ALG12: variants seen among roughly 807,000 people sequenced by gnomAD.
The protein encoded by ALG12 is dol-P-Man:Man(7)GlcNAc(2)-PP-Dol alpha-1,6-mannosyltransferase.
ALG12 carries 36 observed loss-of-function variants against 46.0 expected under a neutral mutation model. The ratio of observed to expected loss-of-function variants is 0.78; its 90% CI spans 0.60 to 1.03. The LOEUF (loss-of-function observed/expected upper bound fraction) is 1.03, where lower values mean the gene tolerates loss of function less well. Ranked by LOEUF, ALG12 falls within the 50% of genes least tolerant of loss-of-function variation. ALG12 has a pLI of 0.00. For missense variants in ALG12, 599 were observed against 633.5 expected (o/e 0.95, Z 0.58); for synonymous variants, 326 against 291.6 (o/e 1.12, Z -1.20).
the ALG12 span, among the ~76,000 whole-genome samples, chr22:49,868,738 G>A: frequency 3.9e-5 from 6 of 152,218 alleles, no homozygotes; most frequent in East Asian, 1.9e-4. Flanking sequence ...CAGCTACTTC[G>A]TGCATGTGTT....
chr22:49,883,821 C>T, the ALG12 span: 5 of 1,612,728 alleles, frequency 3.1e-6, no homozygotes, highest in Non-Finnish European at 4.2e-6. Flanking sequence ...AGCAGACAGA[C>T]AGCGGTGGGG....
downstream of ALG12, among the ~76,000 whole-genome samples, chr22:49,900,010 A>T (rs2060497448): frequency 6.6e-6 from 1 of 152,104 alleles, no homozygotes; most frequent in Non-Finnish European, 1.5e-5. Flanking sequence ...AAAATTTTTT[A>T]AAAATTAGCT....
Position 49,911,157 on chromosome 22 carries a change from G to A in ALG12, c.296-550C>T, listed in dbSNP as rs76115124. Among the ~76,000 whole-genome samples, 514 of 152,332 alleles carry A rather than the reference G, an allele frequency of 3.4e-3. 17 individuals are homozygous for A. In the East Asian group the frequency reaches 0.08, roughly 24 times the overall value. On this transcript the variant is annotated intron_variant, in intron 3 of 9. Coordinates refer to ENST00000330817, the MANE Select transcript of ALG12 (RefSeq NM_024105.4). The stretch of plus-strand genomic sequence containing the variant: ...ACCCAGCCGACCACACATCCTCACC[G>A]TGGACCGGCCTGTCAGCCGCTGGCA...
chr22:49,863,965 T>C, the ALG12 span, among the ~76,000 whole-genome samples: 17 of 152,236 alleles, frequency 1.1e-4, no homozygotes, highest in Non-Finnish European at 2.1e-4. Context: ...TCCTGAACTC[T>C]CTCAGAGGTT....
rs1231173067 is a variant in ALG12 at position 49,900,586 on chromosome 22, G to A, written c.*3252C>T. 6.6e-6 allele frequency: 1 copy of A among 152,230 alleles called. No individual in the cohort carries two copies. Among genetic ancestry groups the A allele is most frequent in the Non-Finnish European group, 1.5e-5 (1 of 68,074 alleles). 9.4% of individuals were successfully genotyped at this position (152,230 alleles called of 1,614,324 possible). Reference sequence around the variant, plus strand: ...CAGGGAGTGAACTGCACACAATCCCGACCTCTTCATGGTGGGTTTGTTTTT... The same window carrying A: ...CAGGGAGTGAACTGCACACAATCCCAACCTCTTCATGGTGGGTTTGTTTTT... On this transcript the variant is annotated 3_prime_UTR_variant, in exon 10 of 10. Transcript: ENST00000330817.
chr22:49,881,381 G>A, the ALG12 span, among the ~76,000 whole-genome samples: 1 of 152,228 alleles, frequency 6.6e-6, no homozygotes, highest in Admixed American at 6.5e-5. Flanking sequence ...TAATTCATCT[G>A]TAGAAATACA....
At chr22:49,886,384 G>A in the ALG12 span, 1 of 1,609,862 alleles carries the variant, frequency 6.2e-7, no homozygotes, top group Non-Finnish European at 8.5e-7. The surrounding 1 kb of genome is among the most constrained non-coding windows in gnomAD (Gnocchi z 7.7). Flanking sequence ...GCAGAAAAGG[G>A]CCATTAACGA....
intron 1 of ALG12, among the ~76,000 whole-genome samples, chr22:49,916,285 A>T (rs1299316066): frequency 2.0e-5 from 3 of 148,778 alleles, no homozygotes; most frequent in African/African-American, 2.5e-5. Context: ...TAAATTAAAT[A>T]AAAATATGTT....
chr22:49,891,177 TTTGA>T, the ALG12 span, among the ~76,000 whole-genome samples: 4 of 152,222 alleles, frequency 2.6e-5, no homozygotes, highest in Admixed American at 2.6e-4. Context: ...TAGCCATTGC[TTTGA>T]TTGTGGTTTG....
chr22:49,892,916 G>T, the ALG12 span, among the ~76,000 whole-genome samples: 1 of 152,182 alleles, frequency 6.6e-6, no homozygotes, highest in Non-Finnish European at 1.5e-5. Context: ...TAGTCTCACA[G>T]GTGATCCAAA....
chr22:49,863,050 T>G, the ALG12 span, among the ~76,000 whole-genome samples: 1 of 152,144 alleles, frequency 6.6e-6, no homozygotes, highest in Non-Finnish European at 1.5e-5. Flanking sequence ...CCACCTCCCG[T>G]GGAAGTATTT....
At chr22:49,892,187 C>CAA in the ALG12 span, among the ~76,000 whole-genome samples, 3,607 of 54,466 alleles carry the variant, frequency 0.066, 337 homozygotes, top group South Asian at 0.095. Context: ...GACTCTGTCT[C>CAA]AAAAAAAAAA....
the ALG12 span, among the ~76,000 whole-genome samples, chr22:49,876,551 TC>T: frequency 6.6e-6 from 1 of 152,230 alleles, no homozygotes; most frequent in Non-Finnish European, 1.5e-5. Flanking sequence ...TATTCTTAAA[TC>T]TTTACCCGGT....
the ALG12 span, chr22:49,886,986 G>A: frequency 6.2e-7 from 1 of 1,614,100 alleles, no homozygotes; most frequent in African/African-American, 1.3e-5. This position sits in a 1 kb window ranked among gnomAD's most constrained non-coding sequence, Gnocchi z 7.7. Flanking sequence ...ACCTGAAGAA[G>A]GCGTCCTGGC....
chr22:49,903,185 T>A lies in ALG12; in HGVS notation c.*653A>T, dbSNP rs2060523791. On this transcript the variant is annotated 3_prime_UTR_variant, in exon 10 of 10. Transcript: ENST00000330817. The stretch of plus-strand genomic sequence containing the variant: ...TAAGCTATCACATAGGAAACATTTT[T>A]AAAATTTCATTCTCATTATTTTCTG... 4 of 373,750 alleles carry A rather than the reference T, an allele frequency of 1.1e-5. No individual in the cohort carries two copies. Among genetic ancestry groups the A allele is most frequent in the East Asian group, 7.5e-5 (1 of 13,368 alleles). 23.2% of individuals were successfully genotyped at this position (373,750 alleles called of 1,614,324 possible).
the ALG12 span, among the ~76,000 whole-genome samples, chr22:49,859,842 G>C: frequency 7.3e-6 from 1 of 137,858 alleles, no homozygotes; most frequent in Non-Finnish European, 1.6e-5. Context: ...TCTAGGCAGC[G>C]TGGCAGAACC....
chr22:49,907,651 C>T (rs2060550140), intron 7 of ALG12, 70 bp downstream of exon 7: 3 of 1,513,834 alleles, frequency 2.0e-6, no homozygotes, highest in Admixed American at 1.9e-5. Flanking sequence ...CATACATCCC[C>T]CCAACAGTAA....
the ALG12 span, among the ~76,000 whole-genome samples, chr22:49,872,023 C>T: frequency 5.3e-5 from 8 of 152,064 alleles, no homozygotes; most frequent in Admixed American, 3.9e-4. Context: ...GGATTACAGG[C>T]GTGAGCCACT....
At chr22:49,867,994 A>G in the ALG12 span, among the ~76,000 whole-genome samples, 1 of 152,208 alleles carries the variant, frequency 6.6e-6, no homozygotes, top group Non-Finnish European at 1.5e-5. Flanking sequence ...CTAGGAAAAG[A>G]TCAACATTCA....
Sources: allele counts gnomAD v4.1 joint callset (sites outside exome capture counted in the v4.1 genomes callset), GRCh38; gene constraint gnomAD v4.1.1; non-coding constraint Gnocchi (gnomAD v3.1); transcripts MANE v1.5; gene names NCBI Gene and HGNC (gene_info 2026-07-23, HGNC 2026-07-21).